The following ZNF385B variants were observed in gnomAD, a reference collection of about 807,000 sequenced individuals.
The protein encoded by ZNF385B is zinc finger protein 533.
ZNF385B carries 23 observed loss-of-function variants against 39.2 expected under a neutral mutation model. The ratio of observed to expected loss-of-function variants is 0.59; its 90% CI spans 0.42 to 0.83. The LOEUF is 0.83. Ranked by LOEUF, ZNF385B falls within the 40% of genes least tolerant of loss-of-function variation. The pLI is 0.00. For synonymous variants in ZNF385B, 205 were observed against 222.6 expected (o/e 0.92, Z 0.70); for missense variants, 552 against 598.9 (o/e 0.92, Z 0.82).
intron 4 of ZNF385B, among the ~76,000 whole-genome samples, chr2:179,520,598 C>T (rs924841827): frequency 2.0e-5 from 3 of 152,096 alleles, no homozygotes; most frequent in Non-Finnish European, 4.4e-5. Flanking sequence ...CCAGACATGG[C>T]GAATCAGTTT....
chr2:179,595,519 T>C (rs3106712), intron 3 of ZNF385B, among the ~76,000 whole-genome samples: 34,228 of 151,958 alleles, frequency 0.23, 4,484 homozygotes, highest in East Asian at 0.61. Context: ...TTCCTAATGG[T>C]GGCAGCAGCT....
At chr2:179,509,784 C>T (rs984162409) in intron 5 of ZNF385B, among the ~76,000 whole-genome samples, 5 of 152,098 alleles carry the variant, frequency 3.3e-5, no homozygotes, top group Non-Finnish European at 7.4e-5. Flanking sequence ...TTCATTTATT[C>T]AACAATTTGT....
At chr2:179,705,206 C>A (rs1699500322) in intron 3 of ZNF385B, among the ~76,000 whole-genome samples, 1 of 152,140 alleles carries the variant, frequency 6.6e-6, no homozygotes, top group Admixed American at 6.6e-5. Flanking sequence ...CTCTCCTGGG[C>A]CCCTCTCAAT....
intron 5 of ZNF385B, among the ~76,000 whole-genome samples, chr2:179,495,604 G>A (rs2105695817): frequency 6.6e-6 from 1 of 152,344 alleles, no homozygotes; most frequent in Admixed American, 6.5e-5. Flanking sequence ...CACAGTGGTA[G>A]TGGCCACACG....
At chr2:179,767,244 G>A (rs768147336) in intron 3 of ZNF385B, among the ~76,000 whole-genome samples, 5 of 152,158 alleles carry the variant, frequency 3.3e-5, no homozygotes, top group Non-Finnish European at 5.9e-5. Flanking sequence ...GACGATGTAT[G>A]TCCCACAGAG....
At chr2:179,522,859 A>T (rs1370144998) in intron 4 of ZNF385B, 3 of 443,500 alleles carry the variant, frequency 6.8e-6, no homozygotes, top group East Asian at 1.5e-4. Flanking sequence ...TATCACATAG[A>T]TCTAGCTACC....
At chr2:179,609,226 C>A (rs1213335492) in intron 3 of ZNF385B, among the ~76,000 whole-genome samples, 1 of 152,072 alleles carries the variant, frequency 6.6e-6, no homozygotes, top group African/African-American at 2.4e-5. Flanking sequence ...ACCCTACTAC[C>A]CTTCCCAGCC....
At chr2:179,774,950 G>A (rs1053512452) in intron 1 of ZNF385B, among the ~76,000 whole-genome samples, 6 of 152,262 alleles carry the variant, frequency 3.9e-5, no homozygotes, top group African/African-American at 1.4e-4. Context: ...TTGTGGGAAA[G>A]TTTGGGGAAT....
In ZNF385B at chr2:179,639,249, A is replaced by AAAAAAAAG. The variant is rs71029824; in HGVS notation, c.299-94281_299-94280insCTTTTTTT. On this transcript the variant is annotated intron_variant, in intron 3 of 9. Coordinates refer to ENST00000410066, the MANE Select transcript of ZNF385B (RefSeq NM_152520.6). ...CTCAAAAAAAAAAAAAAAAAAAAAAAGGGGGAGAAAGAAAAGAAAAAAATG... is the reference window on the plus strand; with the variant it reads ...CTCAAAAAAAAAAAAAAAAAAAAAAAAAAAAAAGGGGGGAGAAAGAAAAGAAAAAAATG... Among the ~76,000 whole-genome samples, 363 of 128,548 alleles carry AAAAAAAAG rather than the reference A, an allele frequency of 2.8e-3. 6 individuals are homozygous for AAAAAAAAG. The highest frequency in any genetic ancestry group is 9.9e-3 in the African/African-American group (352 of 35,604). 84.3% of individuals were successfully genotyped at this position (128,548 alleles called of 152,430 possible).
At chr2:179,719,364 T>C (rs558761017) in intron 3 of ZNF385B, among the ~76,000 whole-genome samples, 1 of 152,332 alleles carries the variant, frequency 6.6e-6, no homozygotes, top group African/African-American at 2.4e-5. Context: ...TGCACCCAGG[T>C]GAAAGGTGTA....
At chr2:179,469,745 T>C (rs1013354443) in intron 6 of ZNF385B, among the ~76,000 whole-genome samples, 4 of 152,174 alleles carry the variant, frequency 2.6e-5, no homozygotes, top group Non-Finnish European at 5.9e-5. Flanking sequence ...GAGGCCCAAC[T>C]TAGGAAGGGT....
intron 3 of ZNF385B, among the ~76,000 whole-genome samples, chr2:179,666,654 TG>T (rs1334449256): frequency 2.6e-5 from 4 of 152,144 alleles, no homozygotes; most frequent in African/African-American, 4.8e-5. Context: ...CTTTTTTTTT[TG>T]TCAAATAATC....
chr2:179,469,886 C>T (rs2052540278), intron 6 of ZNF385B, among the ~76,000 whole-genome samples: 1 of 152,192 alleles, frequency 6.6e-6, no homozygotes, highest in Non-Finnish European at 1.5e-5. Flanking sequence ...GTGCCCTTCG[C>T]TGTCAGCTGT....
At chr2:179,838,932 G>GGA (rs1708400442) in intron 1 of ZNF385B, among the ~76,000 whole-genome samples, 2 of 146,634 alleles carry the variant, frequency 1.4e-5, no homozygotes, top group African/African-American at 2.7e-5. Context: ...AAAAAAAGGG[G>GGA]GGGGGGCATT....
intron 1 of ZNF385B, among the ~76,000 whole-genome samples, chr2:179,811,325 C>T (rs1431870845): frequency 6.6e-6 from 1 of 152,108 alleles, no homozygotes; most frequent in South Asian, 2.1e-4. Flanking sequence ...TCATATAGAA[C>T]CAAAAAAGAG....
At chr2:179,547,151 T>TC (rs1304201836) in intron 3 of ZNF385B, among the ~76,000 whole-genome samples, 1 of 149,736 alleles carries the variant, frequency 6.7e-6, no homozygotes. Flanking sequence ...GCAAATATTT[T>TC]CTCCCATTCT....
chr2:179,540,302 C>T (rs1388098692), intron 4 of ZNF385B, among the ~76,000 whole-genome samples: 1 of 152,006 alleles, frequency 6.6e-6, no homozygotes, highest in Admixed American at 6.6e-5. Context: ...CAAGATTAGC[C>T]AGGTGTGGTG....
At chr2:179,795,275 T>C (rs959954) in intron 1 of ZNF385B, among the ~76,000 whole-genome samples, 2,387 of 151,862 alleles carry the variant, frequency 0.016, 64 homozygotes, top group African/African-American at 0.053. Context: ...AGCAGAAAAA[T>C]ATAGACGCAG....
intron 5 of ZNF385B, among the ~76,000 whole-genome samples, chr2:179,504,623 G>T (rs1034589728): frequency 6.6e-6 from 1 of 151,856 alleles, no homozygotes; most frequent in African/African-American, 2.4e-5. Flanking sequence ...TTCTCTGATG[G>T]CCAGTGATGA....
Sources: allele counts gnomAD v4.1 joint callset (sites outside exome capture counted in the v4.1 genomes callset), GRCh38; gene constraint gnomAD v4.1.1; transcripts MANE v1.5; gene names NCBI Gene and HGNC (gene_info 2026-07-23, HGNC 2026-07-21).